Variants in TRAPPC9 observed in about 807,000 individuals in gnomAD.
TRAPPC9 encodes the protein IKK2 binding protein.
A neutral mutation model predicts 124.0 loss-of-function variants in TRAPPC9; 83 were observed. The ratio of observed to expected loss-of-function variants is 0.67; its 90% CI spans 0.56 to 0.80. TRAPPC9 has a LOEUF of 0.80. Among genes scored for constraint, TRAPPC9 ranks in the 30% least tolerant of loss-of-function variants. The pLI, the probability that TRAPPC9 is intolerant of heterozygous loss-of-function variation, is 0.00. For missense variants in TRAPPC9, 1,302 were observed against 1,508.3 expected (o/e 0.86, Z 2.27); for synonymous variants, 638 against 617.5 (o/e 1.03, Z -0.49).
intron 19 of TRAPPC9, among the ~76,000 whole-genome samples, chr8:139,930,498 G>A (rs1833075456): frequency 1.3e-5 from 2 of 152,182 alleles, no homozygotes; most frequent in Non-Finnish European, 2.9e-5. Flanking sequence ...TGCTTTCCAA[G>A]CAGCAATGCT....
At chr8:140,260,627 G>A (rs2064382204) in intron 15 of TRAPPC9, among the ~76,000 whole-genome samples, 2 of 152,226 alleles carry the variant, frequency 1.3e-5, no homozygotes, top group Admixed American at 6.5e-5. Context: ...GGAGGAAGGA[G>A]GAAGGAGAAC....
chr8:140,209,009 G>A (rs1349170020), intron 17 of TRAPPC9, among the ~76,000 whole-genome samples: 1 of 152,198 alleles, frequency 6.6e-6, no homozygotes, highest in Non-Finnish European at 1.5e-5. Flanking sequence ...ATACCAAGGG[G>A]AGACCATCAT....
chr8:140,111,361 T>C (rs2060771866), intron 17 of TRAPPC9, among the ~76,000 whole-genome samples: 1 of 152,162 alleles, frequency 6.6e-6, no homozygotes, highest in African/African-American at 2.4e-5. Flanking sequence ...CTGCCCAGGC[T>C]GGCCTCAACA....
intron 17 of TRAPPC9, among the ~76,000 whole-genome samples, chr8:140,076,411 A>C (rs895774884): frequency 2.0e-5 from 3 of 152,184 alleles, no homozygotes; most frequent in Non-Finnish European, 4.4e-5. Flanking sequence ...CTTGCTTCAC[A>C]AAGTAAAAAG....
At chr8:139,785,671 G>T (rs1007297902) in intron 21 of TRAPPC9, among the ~76,000 whole-genome samples, 1 of 151,722 alleles carries the variant, frequency 6.6e-6, no homozygotes, top group Non-Finnish European at 1.5e-5. Flanking sequence ...GGAGGTTGCA[G>T]TGAGCTGAGA....
chr8:140,287,628 G>A lies in TRAPPC9; in HGVS notation c.1961C>T (p.Thr654Ile), dbSNP rs746606642. ...PVTLVGVPQT[T>I]GTITVNGYHT... ...CTTACCGTTCACAGTAATCGTTCCA[G>A]TCGTCTGCGGGACCCCGACGAGCGT... Residue 654 changes from threonine (T) to isoleucine (I), a missense_variant, in exon 13 of 23, where the codon ACT becomes ATT. Physicochemically the swap from Thr to Ile is moderately conservative, Grantham distance 89. Transcript: ENST00000438773. The A allele has an allele frequency of 2.5e-6, 4 of 1,614,194 alleles. No individual in the cohort carries two copies. In the South Asian group the frequency reaches 4.4e-5, roughly 18 times the overall value.
intron 18 of TRAPPC9, among the ~76,000 whole-genome samples, chr8:140,000,334 T>C (rs1012915863): frequency 6.6e-6 from 1 of 152,278 alleles, no homozygotes; most frequent in African/African-American, 2.4e-5. Context: ...AAAGACTTCA[T>C]GACTAAAACA....
At chr8:140,306,276 A>G (rs539269840) in intron 10 of TRAPPC9, among the ~76,000 whole-genome samples, 2 of 152,190 alleles carry the variant, frequency 1.3e-5, no homozygotes, top group African/African-American at 4.8e-5. Context: ...CGGGTGGATC[A>G]TGAGGTCAAG....
At chr8:140,159,360 A>G (rs2130879711) in intron 17 of TRAPPC9, among the ~76,000 whole-genome samples, 1 of 152,316 alleles carries the variant, frequency 6.6e-6, no homozygotes, top group African/African-American at 2.4e-5. Context: ...CCTTGCACAG[A>G]GCAGGCCCTC....
At chr8:139,867,380 T>C (rs955816108) in intron 21 of TRAPPC9, among the ~76,000 whole-genome samples, 3 of 152,142 alleles carry the variant, frequency 2.0e-5, no homozygotes, top group Admixed American at 1.3e-4. Flanking sequence ...ATGAATAAAA[T>C]TGAAAATGAT....
intron 20 of TRAPPC9, among the ~76,000 whole-genome samples, chr8:139,888,431 G>A (rs564762297): frequency 3.3e-5 from 5 of 152,236 alleles, no homozygotes; most frequent in South Asian, 2.1e-4. Context: ...AGGAGTGCAC[G>A]GAATCATACC....
At chr8:139,851,622 G>A (rs1827469964) in intron 21 of TRAPPC9, among the ~76,000 whole-genome samples, 2 of 152,196 alleles carry the variant, frequency 1.3e-5, no homozygotes, top group African/African-American at 4.8e-5. Flanking sequence ...ACACAGCCTG[G>A]GAATCCTGGA....
intron 21 of TRAPPC9, among the ~76,000 whole-genome samples, chr8:139,847,536 C>A (rs528230395): frequency 1.3e-5 from 2 of 151,928 alleles, no homozygotes; most frequent in South Asian, 4.2e-4. Context: ...GGAGGCCCGG[C>A]CTGGGGATGG....
chr8:140,457,687 A>G lies in TRAPPC9; in HGVS notation c.-59T>C. On this transcript the variant is annotated 5_prime_UTR_variant, in exon 1 of 23. Transcript: ENST00000438773. ...AGCGGGAGCCCACGACCTGGCGGGC[A>G]GCGGGGCCGAGCAGCCTCTGCGGCC... 3 of 986,546 alleles carry G rather than the reference A, an allele frequency of 3.0e-6. No individual in the cohort carries two copies. The highest frequency in any genetic ancestry group is 1.7e-5 in the African/African-American group (1 of 57,344). The allele number at this position is 986,546 out of a possible 1,614,324, so 61.1% of individuals were successfully genotyped here. A position where few individuals can be genotyped will look rare whatever the true frequency, so the allele number is the denominator to read the frequency against.
intron 21 of TRAPPC9, among the ~76,000 whole-genome samples, chr8:139,811,145 CA>C (rs1824417997): frequency 6.6e-6 from 1 of 151,918 alleles, no homozygotes; most frequent in Non-Finnish European, 1.5e-5. Flanking sequence ...CCAGCCATTA[CA>C]AAAGAACAAG....
chr8:139,949,973 T>C (rs1834533735), intron 19 of TRAPPC9, among the ~76,000 whole-genome samples: 2 of 152,348 alleles, frequency 1.3e-5, no homozygotes, highest in African/African-American at 4.8e-5. Flanking sequence ...ATGTCTGATA[T>C]AAATAACTCT....
intron 5 of TRAPPC9, among the ~76,000 whole-genome samples, chr8:140,416,870 T>G (rs200270643): frequency 3.3e-4 from 50 of 151,896 alleles, no homozygotes; most frequent in African/African-American, 1.1e-3. Context: ...CCAAAACAGA[T>G]ATATAGACCA....
chr8:140,374,817 C>T (rs531473366), intron 7 of TRAPPC9, among the ~76,000 whole-genome samples: 1 of 152,210 alleles, frequency 6.6e-6, no homozygotes, highest in East Asian at 1.9e-4. Context: ...GCCACCAATG[C>T]GTTAGAACTC....
At chr8:139,927,669 G>T (rs930955811) in intron 19 of TRAPPC9, among the ~76,000 whole-genome samples, 13 of 152,312 alleles carry the variant, frequency 8.5e-5, no homozygotes, top group African/African-American at 3.1e-4. Flanking sequence ...GGTTATGGCA[G>T]CTTTAATAGC....
Sources: allele counts gnomAD v4.1 joint callset (sites outside exome capture counted in the v4.1 genomes callset), GRCh38; gene constraint gnomAD v4.1.1; transcripts MANE v1.5; gene names NCBI Gene and HGNC (gene_info 2026-07-23, HGNC 2026-07-21).